UNC93B1: variants seen among roughly 807,000 people sequenced by gnomAD.
UNC93B1 encodes the protein protein unc-93 homolog B1.
A neutral mutation model predicts 56.8 loss-of-function variants in UNC93B1; 33 were observed. That is an observed-to-expected ratio of 0.58 (90% CI 0.44 to 0.78). The LOEUF is 0.78. Ranked by LOEUF, UNC93B1 falls within the 30% of genes least tolerant of loss-of-function variation. The pLI is 0.00. For synonymous variants in UNC93B1, 334 were observed against 358.6 expected (o/e 0.93, Z 0.77); for missense variants, 673 against 819.5 (o/e 0.82, Z 2.18).
rs1420570695 is a variant in UNC93B1 at position 68,003,717 on chromosome 11, C to A, written c.178G>T (p.Val60Leu). 2 of 1,528,068 alleles carry A rather than the reference C, an allele frequency of 1.3e-6. No homozygotes were observed. Among genetic ancestry groups the A allele is most frequent in the South Asian group, 2.4e-5 (2 of 82,576 alleles). The allele number at this position is 1,528,068 out of a possible 1,614,324, so 94.7% of individuals were successfully genotyped here. The part of the protein sequence containing the change: ...RRYYRRKRLG[V>L]LKNVLAASAG... ...CTGGCAGCCAGCACGTTCTTGAGCA[C>A]GCCCAGGCGCTTGCGGCGGTAGTAG... is the stretch of plus-strand genomic sequence containing the variant. The change falls in exon 2 of 11, where the codon GTG (valine) becomes TTG (leucine). Residue 60 changes from valine (V) to leucine (L), a missense_variant. By Grantham distance (32) the Val-to-Leu change is conservative. Coordinates refer to ENST00000227471, the MANE Select transcript of UNC93B1 (RefSeq NM_030930.4). This position sits in a 1 kb window ranked among gnomAD's most constrained non-coding sequence, Gnocchi z 4.4.
rs1416119365 is a variant in UNC93B1 at position 67,996,587 on chromosome 11, G to A, written c.1089+15C>T. On this transcript the variant is annotated intron_variant, in intron 8 of 10. Transcript: ENST00000227471. ...CTTGTCTTTTGTCGGGCAATCCTTT[G>A]CAGGCTGTACTTACCAAGGCGATAC... 6.6e-7 allele frequency: 1 copy of A among 1,516,572 alleles called. No homozygotes were observed. Among genetic ancestry groups the A allele is most frequent in the Non-Finnish European group, 8.9e-7 (1 of 1,126,422 alleles). 93.9% of individuals were successfully genotyped at this position (1,516,572 alleles called of 1,614,324 possible). A position where few individuals can be genotyped will look rare whatever the true frequency, so the allele number is the denominator to read the frequency against.
At chr11:67,996,811 G>A in intron 7 of UNC93B1, 27 bp from the exon 8 acceptor site, 1 of 1,509,894 alleles carries the variant, frequency 6.6e-7, no homozygotes, top group Non-Finnish European at 8.9e-7. Flanking sequence ...TGAAGGGGCG[G>A]CCAGCCAGGC....
intron 10 of UNC93B1, among the ~76,000 whole-genome samples, chr11:67,992,278 T>C (rs1856857619): frequency 6.6e-6 from 1 of 152,254 alleles, no homozygotes; most frequent in Non-Finnish European, 1.5e-5. Context: ...TTTCACACCA[T>C]AGCCCAGTAC....
At position 67,997,663 on chromosome 11, in the gene UNC93B1, C is replaced by A; in HGVS notation, c.906+12G>T. The A allele has an allele frequency of 1.2e-6, 2 of 1,601,046 alleles. No individual in the cohort carries two copies. Among genetic ancestry groups the A allele is most frequent in the Non-Finnish European group, 1.7e-6 (2 of 1,179,794 alleles). The stretch of plus-strand genomic sequence containing the variant: ...GCTTCACTGACTGTCCTGCCCCCAT[C>A]CCGGGCCGCACCAGCAGCATGGCCA... On this transcript the variant is annotated intron_variant, in intron 7 of 10. Coordinates refer to ENST00000227471, the MANE Select transcript of UNC93B1 (RefSeq NM_030930.4).
chr11:68,002,362 G>A (rs1189327448), intron 3 of UNC93B1, among the ~76,000 whole-genome samples: 1 of 152,188 alleles, frequency 6.6e-6, no homozygotes, highest in Non-Finnish European at 1.5e-5. Flanking sequence ...AATCCTGCCT[G>A]TGCAACGGGA....
chr11:67,996,431 G>A (rs1396181982), intron 8 of UNC93B1, among the ~76,000 whole-genome samples, 171 bp downstream of exon 8: 1 of 152,126 alleles, frequency 6.6e-6, no homozygotes, highest in Non-Finnish European at 1.5e-5. Context: ...ACTTGCCCAA[G>A]GTAAAGGGGG....
At chr11:67,996,971 C>T (rs1296241331) in intron 7 of UNC93B1, among the ~76,000 whole-genome samples, 187 bp from the exon 8 acceptor site, 2 of 151,974 alleles carry the variant, frequency 1.3e-5, no homozygotes, top group Non-Finnish European at 2.9e-5. Context: ...CTCAAGGCCC[C>T]GCCTCTCAGC....
At chr11:67,997,450 C>G in intron 7 of UNC93B1, 1 of 691,758 alleles carries the variant, frequency 1.4e-6, no homozygotes, top group Non-Finnish European at 2.3e-6. Context: ...GATGCCCACG[C>G]CTGCCTCGGA....
chr11:68,002,963 C>T (rs1857070079), intron 3 of UNC93B1, 59 bp downstream of exon 3: 3 of 1,538,852 alleles, frequency 1.9e-6, no homozygotes, highest in Non-Finnish European at 1.7e-6. Context: ...GGCCCGCCGG[C>T]CTCTGTACCC....
intron 6 of UNC93B1, 81 bp from the exon 7 acceptor site, chr11:67,997,880 G>T: frequency 3.4e-5 from 53 of 1,553,224 alleles, no homozygotes; most frequent in Non-Finnish European, 4.4e-5. Flanking sequence ...GAGCCACGCA[G>T]GCCGCGGAGG....
chr11:67,996,562 C>A, intron 8 of UNC93B1, 40 bp downstream of exon 8: 1 of 1,488,724 alleles, frequency 6.7e-7, no homozygotes. Context: ...ACCTGGCTAT[C>A]TTGTCTTTTG....
intron 9 of UNC93B1, among the ~76,000 whole-genome samples, chr11:67,994,198 C>A (rs1856897013): frequency 6.6e-6 from 1 of 152,180 alleles, no homozygotes; most frequent in African/African-American, 2.4e-5. Flanking sequence ...CTCTGCAAAT[C>A]AAACCTGAAG....
intron 5 of UNC93B1, 73 bp downstream of exon 5, chr11:67,999,100 G>A: frequency 6.3e-7 from 1 of 1,594,388 alleles, no homozygotes; most frequent in Non-Finnish European, 8.6e-7. Flanking sequence ...GGGACTAGAG[G>A]GTTGAGACTG....
Position 67,999,634 on chromosome 11 carries a change from C to T in UNC93B1, c.439G>A (p.Ala147Thr), listed in dbSNP as rs372807360. 6.8e-6 allele frequency: 11 copies of T among 1,611,256 alleles called. No homozygotes were observed. The highest frequency in any genetic ancestry group is 4.5e-5 in the East Asian group (2 of 44,812). ...CAGTAGTTGGTGGAGACAAAGAGGGCGTAGATGCCCACAGCGAGGAACATC... is the reference window on the plus strand; with the variant it reads ...CAGTAGTTGGTGGAGACAAAGAGGGTGTAGATGCCCACAGCGAGGAACATC... Reference protein sequence around the residue: ...WMMFLAVGIYALFVSTNYWER... With the variant: ...WMMFLAVGIYTLFVSTNYWER... Residue 147 changes from alanine to threonine, a missense_variant, in exon 4 of 11, where the codon GCC (alanine) becomes ACC (threonine). Physicochemically the swap from Ala to Thr is moderately conservative, Grantham distance 58. Coordinates refer to ENST00000227471, the MANE Select transcript of UNC93B1 (RefSeq NM_030930.4).
intron 5 of UNC93B1, among the ~76,000 whole-genome samples, 168 bp from the exon 6 acceptor site, chr11:67,998,620 C>T (rs564127699): frequency 1.6e-4 from 25 of 152,252 alleles, no homozygotes; most frequent in Non-Finnish European, 3.1e-4. Context: ...CTCCTCCTGG[C>T]CAGCATTGTG....
chr11:67,999,399 TG>T (rs1565126103), intron 4 of UNC93B1, 94 bp from the exon 5 acceptor site: 1 of 1,550,596 alleles, frequency 6.4e-7, no homozygotes, highest in Non-Finnish European at 8.7e-7. Context: ...AGCCCCGGTG[TG>T]GGGAAACTGA....
chr11:67,993,067 G>C (rs141549175), intron 10 of UNC93B1, among the ~76,000 whole-genome samples: 4,330 of 152,098 alleles, frequency 0.028, 225 homozygotes, highest in African/African-American at 0.099. Context: ...TCGGCTAACT[G>C]CAACCTCCGC....
intron 9 of UNC93B1, among the ~76,000 whole-genome samples, chr11:67,994,858 T>C (rs767957517): frequency 6.6e-6 from 1 of 152,232 alleles, no homozygotes; most frequent in Admixed American, 6.5e-5. Flanking sequence ...GACACTGACA[T>C]GGATGCCCGG....
In UNC93B1 at chr11:67,991,857, C is replaced by T. The variant is rs1476097099; in HGVS notation, c.1483G>A (p.Ala495Thr). The T allele has an allele frequency of 3.8e-6, 6 of 1,564,830 alleles. No homozygotes were observed. The highest frequency in any genetic ancestry group is 3.5e-5 in the South Asian group (3 of 86,382). ...VYLGSSLHMK[A>T]KLAVLLVTLV... ...GTCACCAGCAGCACCGCCAGCTTAGCCTGGGCGTAAGGAGAGGGATGCCAG... is the reference window on the plus strand; with the variant it reads ...GTCACCAGCAGCACCGCCAGCTTAGTCTGGGCGTAAGGAGAGGGATGCCAG... The change falls in exon 11 of 11, where the codon GCT becomes ACT. Residue 495 changes from alanine (A) to threonine (T), a missense_variant and splice_region_variant. By Grantham distance (58) the Ala-to-Thr change is moderately conservative (BLOSUM62 0). Around this residue, in one of 3 missense-constraint regions of UNC93B1, gnomAD observed 155 missense variants for 268.3 expected, o/e 0.58. Transcript: ENST00000227471.
Sources: gnomAD v4.1 joint callset for allele counts (sites outside exome capture counted in the v4.1 genomes callset) on GRCh38, gnomAD v4.1.1 for gene constraint, gnomAD v4.1.1 regional missense constraint, Gnocchi (gnomAD v3.1) non-coding constraint, MANE v1.5 for transcripts, NCBI Gene and HGNC (gene_info 2026-07-23, HGNC 2026-07-21) for gene names.